The following CNTNAP2 variants were observed in gnomAD, a reference collection of about 807,000 sequenced individuals.
The protein encoded by CNTNAP2 is contactin-associated protein-like 2.
CNTNAP2 carries 98 observed loss-of-function variants against 155.2 expected under a neutral mutation model. The ratio of observed to expected loss-of-function variants is 0.63; its 90% CI spans 0.54 to 0.75. The LOEUF is 0.75. Among genes scored for constraint, CNTNAP2 ranks in the 30% least tolerant of loss-of-function variants. CNTNAP2 has a pLI of 0.00. For synonymous variants in CNTNAP2, 651 were observed against 631.2 expected (o/e 1.03, Z -0.47); for missense variants, 1,727 against 1,688.1 (o/e 1.02, Z -0.40).
intron 11 of CNTNAP2, among the ~76,000 whole-genome samples, chr7:147,491,113 A>G (rs948458350): frequency 6.6e-6 from 1 of 152,118 alleles, no homozygotes; most frequent in Non-Finnish European, 1.5e-5. Flanking sequence ...ATCTAAAATA[A>G]AATTTAGATA....
chr7:148,186,985 C>T (rs1480704349), intron 18 of CNTNAP2, among the ~76,000 whole-genome samples: 3 of 152,102 alleles, frequency 2.0e-5, no homozygotes, highest in African/African-American at 7.2e-5. Context: ...CCTGTGTGTC[C>T]TCTTTCTATC....
intron 1 of CNTNAP2, among the ~76,000 whole-genome samples, chr7:146,668,663 A>T (rs1481447072): frequency 6.6e-6 from 1 of 152,002 alleles, no homozygotes; most frequent in African/African-American, 2.4e-5. Flanking sequence ...TTTATTACTG[A>T]TTCAATCATG....
chr7:146,877,800 T>C (rs919404438), intron 3 of CNTNAP2, among the ~76,000 whole-genome samples: 12 of 152,038 alleles, frequency 7.9e-5, no homozygotes, highest in Admixed American at 5.3e-4. Flanking sequence ...CCTTCCATGA[T>C]AGTTTTTCTA....
chr7:146,422,947 GACA>G (rs1213214348), intron 1 of CNTNAP2, among the ~76,000 whole-genome samples: 1 of 152,118 alleles, frequency 6.6e-6, no homozygotes, highest in African/African-American at 2.4e-5. Flanking sequence ...TCAAGATTAA[GACA>G]TTTTCTGTCT....
chr7:148,064,471 T>G (rs1402168683), intron 15 of CNTNAP2, among the ~76,000 whole-genome samples: 4 of 152,090 alleles, frequency 2.6e-5, no homozygotes, highest in Non-Finnish European at 4.4e-5. Flanking sequence ...AAAGAGGAAG[T>G]CAAACTGTTG....
chr7:148,199,166 C>T (rs1198954431), intron 18 of CNTNAP2, among the ~76,000 whole-genome samples: 2 of 152,088 alleles, frequency 1.3e-5, no homozygotes, highest in Non-Finnish European at 1.5e-5. Flanking sequence ...ATTCCTTTTG[C>T]CATTGCATCC....
chr7:148,293,074 TAAATAAAATA>T (rs1797217616), intron 21 of CNTNAP2, among the ~76,000 whole-genome samples: 1 of 85,828 alleles, frequency 1.2e-5, no homozygotes, highest in Non-Finnish European at 2.6e-5. Flanking sequence ...TGACAAAAAA[TAAATAAAATA>T]AAATAAAATA....
chr7:146,862,065 T>C (rs1795112651), intron 3 of CNTNAP2, among the ~76,000 whole-genome samples: 1 of 152,090 alleles, frequency 6.6e-6, no homozygotes, highest in Non-Finnish European at 1.5e-5. Flanking sequence ...AGTTAGTGGA[T>C]TGGGGAAAAT....
intron 13 of CNTNAP2, among the ~76,000 whole-genome samples, chr7:147,879,387 GC>G (rs1414296924): frequency 1.3e-5 from 2 of 152,166 alleles, no homozygotes; most frequent in African/African-American, 2.4e-5. Context: ...CTCTGACTCT[GC>G]CAGGCACCAT....
intron 12 of CNTNAP2, among the ~76,000 whole-genome samples, chr7:147,606,166 T>C (rs147570367): frequency 5.1e-4 from 77 of 152,284 alleles, no homozygotes; most frequent in African/African-American, 1.9e-3. Flanking sequence ...ACAATAATAA[T>C]AATAGAAACT....
At chr7:147,672,938 A>C (rs1443783089) in intron 13 of CNTNAP2, 2 of 152,204 alleles carry the variant, frequency 1.3e-5, no homozygotes, top group Non-Finnish European at 2.9e-5. Context: ...TCCCCAAATC[A>C]AAAGTATTTC....
At chr7:146,475,627 C>A (rs1343518742) in intron 1 of CNTNAP2, among the ~76,000 whole-genome samples, 1 of 151,818 alleles carries the variant, frequency 6.6e-6, no homozygotes. Flanking sequence ...ATCTGGGAGA[C>A]CAAGATTGAC....
chr7:147,743,112 A>C (rs1796979818), intron 13 of CNTNAP2, among the ~76,000 whole-genome samples: 1 of 152,216 alleles, frequency 6.6e-6, no homozygotes, highest in Non-Finnish European at 1.5e-5. Flanking sequence ...TTAAACATAC[A>C]CTAAGGTCAA....
At chr7:146,451,169 A>G (rs1332320895) in intron 1 of CNTNAP2, among the ~76,000 whole-genome samples, 1 of 152,118 alleles carries the variant, frequency 6.6e-6, no homozygotes, top group Admixed American at 6.5e-5. Flanking sequence ...GACGGTCTGG[A>G]TCCCCTGACC....
intron 13 of CNTNAP2, among the ~76,000 whole-genome samples, chr7:147,742,478 G>A (rs2116488924): frequency 6.6e-6 from 1 of 152,292 alleles, no homozygotes; most frequent in Admixed American, 6.5e-5. Context: ...TGTTTCGACA[G>A]GATGTGCACA....
At chr7:147,668,818 A>G (rs1795741708) in intron 13 of CNTNAP2, among the ~76,000 whole-genome samples, 1 of 152,116 alleles carries the variant, frequency 6.6e-6, no homozygotes, top group African/African-American at 2.4e-5. Context: ...AGTGTGGCCT[A>G]AGTGTCCAGT....
intron 8 of CNTNAP2, among the ~76,000 whole-genome samples, chr7:147,223,242 A>G (rs1009778317): frequency 1.3e-5 from 2 of 152,162 alleles, no homozygotes; most frequent in African/African-American, 2.4e-5. Flanking sequence ...TCTAGTTACT[A>G]TTTCAAAGGG....
chr7:146,907,257 C>A (rs1307675758), intron 3 of CNTNAP2, among the ~76,000 whole-genome samples: 1 of 148,192 alleles, frequency 6.7e-6, no homozygotes, highest in East Asian at 2.0e-4. Flanking sequence ...CTTCCCCAAT[C>A]TAGCAAGGCA....
chr7:147,828,599 G>A (rs1161412513), intron 13 of CNTNAP2, among the ~76,000 whole-genome samples: 3 of 152,086 alleles, frequency 2.0e-5, no homozygotes, highest in Non-Finnish European at 4.4e-5. Context: ...ACAACATCTG[G>A]CATCTAATAA....
Sources: gnomAD v4.1 joint callset for allele counts (sites outside exome capture counted in the v4.1 genomes callset) on GRCh38, gnomAD v4.1.1 for gene constraint, MANE v1.5 for transcripts, NCBI Gene and HGNC (gene_info 2026-07-23, HGNC 2026-07-21) for gene names.